The following PDE1C variants were observed in gnomAD, a reference collection of about 807,000 sequenced individuals.
PDE1C encodes dual specificity calcium/calmodulin-dependent 3',5'-cyclic nucleotide phosphodiesterase 1C.
PDE1C carries 62 observed loss-of-function variants against 93.1 expected under a neutral mutation model. The ratio of observed to expected loss-of-function variants is 0.67; its 90% CI spans 0.54 to 0.82. PDE1C has a LOEUF of 0.82. Ranked by LOEUF, PDE1C falls within the 40% of genes least tolerant of loss-of-function variation. The pLI, the probability that PDE1C is intolerant of heterozygous loss-of-function variation, is 0.00. For missense variants in PDE1C, 742 were observed against 884.6 expected (o/e 0.84, Z 2.04); for synonymous variants, 325 against 310.1 (o/e 1.05, Z -0.50).
rs550481598 is a variant in PDE1C, at chr7:32,087,225, A to G, written c.308+82560T>C. ...AGAGACTTCTCAAAAGAAGACATTT[A>G]TGCAGCCAAAAGACACATGAAAAAA... On this transcript the variant is annotated intron_variant, in intron 3 of 18. Coordinates refer to the PDE1C transcript ENST00000396193. 3.8e-3 allele frequency among the ~76,000 whole-genome samples: 571 copies of G among 149,710 alleles called. 4 individuals are homozygous for G. The highest frequency in any genetic ancestry group is 5.7e-3 in the Non-Finnish European group (384 of 67,270).
chr7:31,949,431 G>T (rs576429013), intron 2 of PDE1C, among the ~76,000 whole-genome samples: 91 of 152,260 alleles, frequency 6.0e-4, no homozygotes, highest in African/African-American at 1.9e-3. Context: ...TTGCACTCCA[G>T]TTTGGGCAAC....
At chr7:32,008,715 G>A (rs1230494653) in intron 2 of PDE1C, among the ~76,000 whole-genome samples, 1 of 151,996 alleles carries the variant, frequency 6.6e-6, no homozygotes, top group African/African-American at 2.4e-5. Flanking sequence ...GAATTCATAC[G>A]CACATCTGCA....
rs998538180 is a variant in PDE1C at position 32,062,223 on chromosome 7, G to A, written c.101+8070C>T. 4.0e-4 allele frequency among the ~76,000 whole-genome samples: 61 copies of A among 152,292 alleles called. 1 individual carries two copies. Among genetic ancestry groups the A allele is most frequent in the African/African-American group, 1.4e-3 (59 of 41,552 alleles). On this transcript the variant is annotated intron_variant, in intron 1 of 17. Transcript: ENST00000396191. ...GATTCAAGCCAAAACCCTGCGAGTT[G>A]ACCTTAATTCCACTTTCTTCCTCAT...
chr7:31,692,229 T>C, the PDE1C span, among the ~76,000 whole-genome samples: 6,052 of 152,274 alleles, frequency 0.04, 174 homozygotes, highest in African/African-American at 0.076. Context: ...CATTTTATTT[T>C]GGCTTAAATC....
At position 32,374,256 on chromosome 7, in the gene PDE1C, G is replaced by GAAGAAAGAA. The variant is rs1784389496; in HGVS notation, c.310+53557_310+53565dup. ...AAAGAAAGAAGGAAGGAAAGGAAAG[G>GAAGAAAGAA]AAGAAAGAAAGAAAGAAAGAAAGAA... is the stretch of plus-strand genomic sequence containing the variant. On this transcript the variant is annotated intron_variant, in intron 1 of 1. Coordinates refer to the PDE1C transcript ENST00000672256. Among the ~76,000 whole-genome samples the GAAGAAAGAA allele has an allele frequency of 2.6e-5, 3 of 113,250 alleles. No homozygotes were observed. The South Asian group carries it at 1.1e-3, about 40-fold the overall frequency. 74.3% of individuals were successfully genotyped at this position (113,250 alleles called of 152,430 possible).
chr7:32,060,092 C>A (rs1400348202), intron 1 of PDE1C, among the ~76,000 whole-genome samples: 1 of 152,212 alleles, frequency 6.6e-6, no homozygotes, highest in Non-Finnish European at 1.5e-5. Context: ...GACAAAATCT[C>A]ACTCTTCACA....
At chr7:31,884,268 T>G (rs1797612269) in intron 2 of PDE1C, among the ~76,000 whole-genome samples, 1 of 151,630 alleles carries the variant, frequency 6.6e-6, no homozygotes, top group South Asian at 2.1e-4. Context: ...GCATTCAAAA[T>G]GTGAAAGGAT....
intron 2 of PDE1C, among the ~76,000 whole-genome samples, chr7:31,989,578 A>G (rs1282713216): frequency 6.6e-6 from 1 of 150,554 alleles, no homozygotes; most frequent in Non-Finnish European, 1.5e-5. Flanking sequence ...TGGTTTCTCA[A>G]ACACTTTCTA....
the PDE1C span, chr7:31,651,312 C>A: frequency 6.3e-7 from 1 of 1,597,622 alleles, no homozygotes. Context: ...CCAGCCCACA[C>A]ACCTGGAGCA....
intron 2 of PDE1C, among the ~76,000 whole-genome samples, chr7:32,001,750 G>T (rs1409066209): frequency 6.6e-6 from 1 of 152,140 alleles, no homozygotes; most frequent in Non-Finnish European, 1.5e-5. Context: ...CTCCAAGGCA[G>T]AACTTCCCAT....
At chr7:32,182,171 CA>C (rs1328066241) in intron 2 of PDE1C, among the ~76,000 whole-genome samples, 1 of 152,158 alleles carries the variant, frequency 6.6e-6, no homozygotes, top group East Asian at 1.9e-4. Context: ...GCTTACCAAC[CA>C]AAAAAATTCC....
intron 17 of PDE1C, among the ~76,000 whole-genome samples, chr7:31,772,429 A>G (rs1795550639): frequency 6.6e-6 from 1 of 151,554 alleles, no homozygotes; most frequent in South Asian, 2.1e-4. Context: ...CTTTTGCTCC[A>G]CAGGATTCAA....
intron 1 of PDE1C, among the ~76,000 whole-genome samples, chr7:32,345,881 C>G (rs1031436117): frequency 1.3e-5 from 2 of 152,188 alleles, no homozygotes; most frequent in Non-Finnish European, 2.9e-5. Flanking sequence ...AACCTTCATA[C>G]ATTGCTAGTG....
chr7:31,626,606 G>C, the PDE1C span, among the ~76,000 whole-genome samples: 1 of 152,050 alleles, frequency 6.6e-6, no homozygotes, highest in African/African-American at 2.4e-5. Context: ...ATAGTTTTTA[G>C]CATTTGAATC....
chr7:32,395,472 T>C (rs911326232), intron 1 of PDE1C, among the ~76,000 whole-genome samples: 1 of 152,104 alleles, frequency 6.6e-6, no homozygotes, highest in Non-Finnish European at 1.5e-5. Context: ...TCCATATTGC[T>C]AGGATAGAAG....
intron 3 of PDE1C, among the ~76,000 whole-genome samples, chr7:32,142,248 A>C (rs1458035565): frequency 6.6e-6 from 1 of 152,116 alleles, no homozygotes; most frequent in Non-Finnish European, 1.5e-5. Flanking sequence ...GAGAAGGGGG[A>C]TAGAGGAAGG....
At chr7:32,124,270 C>T (rs1799450495) in intron 3 of PDE1C, among the ~76,000 whole-genome samples, 1 of 152,098 alleles carries the variant, frequency 6.6e-6, no homozygotes, top group Non-Finnish European at 1.5e-5. Context: ...TGAAAATGGC[C>T]ATATTGACCA....
At chr7:32,365,882 A>G (rs1053621975) in intron 1 of PDE1C, among the ~76,000 whole-genome samples, 1 of 152,230 alleles carries the variant, frequency 6.6e-6, no homozygotes, top group Non-Finnish European at 1.5e-5. Context: ...AACAAAAGCC[A>G]GCACACCACA....
At chr7:31,781,576 G>A (rs919244833) in intron 16 of PDE1C, among the ~76,000 whole-genome samples, 47 of 152,180 alleles carry the variant, frequency 3.1e-4, no homozygotes, top group African/African-American at 1.1e-3. Context: ...TGAAGCCTCA[G>A]AACAAATCAT....
Sources: gnomAD v4.1 joint callset for allele counts (sites outside exome capture counted in the v4.1 genomes callset) on GRCh38, gnomAD v4.1.1 for gene constraint, MANE v1.5 for transcripts, NCBI Gene and HGNC (gene_info 2026-07-23, HGNC 2026-07-21) for gene names.